MKNK1: variants seen among roughly 807,000 people sequenced by gnomAD.
MKNK1 encodes the protein MAPK interacting serine/threonine kinase 1.
MKNK1 carries 30 observed loss-of-function variants against 49.3 expected under a neutral mutation model. That is an observed-to-expected ratio of 0.61 (90% CI 0.46 to 0.83). The LOEUF is 0.83. Among genes scored for constraint, MKNK1 ranks in the 40% least tolerant of loss-of-function variants. The probability of loss-of-function intolerance (pLI) is 0.00; values close to 1 mark genes in which losing one functional copy is unlikely to be tolerated. For missense variants in MKNK1, 423 were observed against 524.7 expected (o/e 0.81, Z 1.89); for synonymous variants, 176 against 201.7 (o/e 0.87, Z 1.08).
chr1:46,558,254 G>C lies in MKNK1; in HGVS notation c.*321C>G. The C allele has an allele frequency of 3.4e-6, 1 of 298,168 alleles. No homozygotes were observed. The highest frequency in any genetic ancestry group is 8.4e-5 in the South Asian group (1 of 11,950). 18.5% of individuals were successfully genotyped at this position (298,168 alleles called of 1,614,324 possible). On this transcript the variant is annotated 3_prime_UTR_variant, in exon 13 of 13. Transcript: ENST00000371945. Reference sequence around the variant, plus strand: ...CAGCCCCAGCCGCCACAGCTACAGCGGTGAGAGCAGGCTGGATCCCAGATC... The same window carrying C: ...CAGCCCCAGCCGCCACAGCTACAGCCGTGAGAGCAGGCTGGATCCCAGATC...
chr1:46,568,026 G>A (rs1424602033), intron 8 of MKNK1, among the ~76,000 whole-genome samples: 2 of 152,016 alleles, frequency 1.3e-5, no homozygotes, highest in African/African-American at 4.8e-5. Flanking sequence ...GGGGGCTGAG[G>A]TGGGAGAACC....
intron 2 of MKNK1, among the ~76,000 whole-genome samples, chr1:46,591,874 G>A (rs764492526): frequency 9.9e-5 from 15 of 152,104 alleles, no homozygotes; most frequent in Non-Finnish European, 1.9e-4. Flanking sequence ...AAAGAGATCC[G>A]TACTCAGGGT....
chr1:46,561,057 A>G (rs978071537), intron 11 of MKNK1, among the ~76,000 whole-genome samples: 7 of 152,190 alleles, frequency 4.6e-5, no homozygotes, highest in Non-Finnish European at 4.4e-5. Flanking sequence ...CTGTACCCAG[A>G]CTCCCAGACC....
chr1:46,598,450 T>C (rs1674347475), intron 1 of MKNK1, among the ~76,000 whole-genome samples: 1 of 151,994 alleles, frequency 6.6e-6, no homozygotes, highest in Non-Finnish European at 1.5e-5. Context: ...GACAGGGCAA[T>C]GGAAAGAAAG....
chr1:46,600,165 G>A (rs1674555571), intron 1 of MKNK1, among the ~76,000 whole-genome samples: 1 of 152,132 alleles, frequency 6.6e-6, no homozygotes, highest in Non-Finnish European at 1.5e-5. Flanking sequence ...CTCCCACTTT[G>A]TTTACATTCC....
intron 12 of MKNK1, chr1:46,559,861 G>A (rs1053841498): frequency 1.7e-4 from 54 of 311,970 alleles, no homozygotes; most frequent in Middle Eastern, 2.0e-3. Context: ...GTCTAGTACC[G>A]TACGTGCCCC....
intron 2 of MKNK1, among the ~76,000 whole-genome samples, chr1:46,587,502 T>C (rs1672742910): frequency 6.6e-6 from 1 of 152,212 alleles, no homozygotes. Context: ...ACCCGCCCTG[T>C]CTACCTCACA....
intron 3 of MKNK1, chr1:46,582,950 G>A (rs1671962742): frequency 5.0e-6 from 3 of 602,412 alleles, no homozygotes; most frequent in African/African-American, 1.8e-5. Context: ...CCCAGGCAAT[G>A]CCACTGATAG....
chr1:46,579,042 C>CA (rs1260619978), intron 4 of MKNK1, among the ~76,000 whole-genome samples: 1 of 152,204 alleles, frequency 6.6e-6, no homozygotes, highest in Non-Finnish European at 1.5e-5. Context: ...GTGTGAGCCA[C>CA]ATGCCTGGCC....
intron 12 of MKNK1, 39 bp from the exon 13 acceptor site, chr1:46,558,839 A>G: frequency 6.4e-7 from 1 of 1,570,708 alleles, no homozygotes; most frequent in Non-Finnish European, 8.7e-7. Context: ...GAGGGTCAGG[A>G]CTCTAGGGTC....
At chr1:46,585,249 C>CAAAAAAAA (rs58692301) in intron 2 of MKNK1, among the ~76,000 whole-genome samples, 4 of 62,132 alleles carry the variant, frequency 6.4e-5, no homozygotes, top group East Asian at 5.6e-4. Context: ...GATTCCGTCT[C>CAAAAAAAA]AAAAAAAAAA....
chr1:46,572,388 CTTTTTT>C (rs112714620), intron 6 of MKNK1: 17 of 317,638 alleles, frequency 5.4e-5, no homozygotes, highest in African/African-American at 3.5e-4. Context: ...AATTTTTGTA[CTTTTTT>C]TTTTTAGTAG....
chr1:46,602,683 A>G (rs1674896618), intron 1 of MKNK1, among the ~76,000 whole-genome samples: 1 of 152,152 alleles, frequency 6.6e-6, no homozygotes, highest in South Asian at 2.1e-4. Context: ...TGTTAATGTT[A>G]GTGTATTTTA....
At chr1:46,587,034 T>C (rs919148650) in intron 2 of MKNK1, among the ~76,000 whole-genome samples, 3 of 152,214 alleles carry the variant, frequency 2.0e-5, no homozygotes, top group Non-Finnish European at 4.4e-5. Context: ...GGTCTCAAAC[T>C]CCTGACCTCA....
chr1:46,581,309 G>A (rs1035221234), intron 3 of MKNK1, among the ~76,000 whole-genome samples: 1 of 151,874 alleles, frequency 6.6e-6, no homozygotes, highest in Non-Finnish European at 1.5e-5. Flanking sequence ...TGAAGAAATC[G>A]AGACCATCCT....
chr1:46,571,642 C>A, intron 7 of MKNK1: 2 of 352,554 alleles, frequency 5.7e-6, no homozygotes, highest in Admixed American at 4.1e-5. Context: ...TGAAAAGAGA[C>A]AGAGGTGATG....
chr1:46,564,632 A>T (rs1300788096), intron 9 of MKNK1, among the ~76,000 whole-genome samples: 2 of 151,658 alleles, frequency 1.3e-5, no homozygotes, highest in Non-Finnish European at 2.9e-5. Context: ...GCGCGCCACC[A>T]TGCCTGGCTA....
Position 46,558,567 on chromosome 1 carries a change from G to T in MKNK1, c.*8C>A. 6.3e-7 allele frequency: 1 copy of T among 1,597,786 alleles called. No individual in the cohort carries two copies. Among genetic ancestry groups the T allele is most frequent in the Non-Finnish European group, 8.5e-7 (1 of 1,172,082 alleles). ...GGCCTAGGGCCTATAAGGTGTGACT[G>T]GAGCATTTCAGAGTGCTGTGGGCGG... On this transcript the variant is annotated 3_prime_UTR_variant, in exon 13 of 13. Coordinates refer to ENST00000371945, the MANE Select transcript of MKNK1 (RefSeq NM_001135553.4).
rs772620197 is a variant in MKNK1, at chr1:46,580,574, G to C, written c.154C>G (p.Gln52Glu). The change falls in exon 4 of 13, where the codon CAA becomes GAA. Residue 52 changes from glutamine to glutamate, a missense_variant. By Grantham distance (29) the Gln-to-Glu change is conservative (BLOSUM62 2). Coordinates refer to ENST00000371945, the MANE Select transcript of MKNK1 (RefSeq NM_001135553.4). The part of the protein sequence containing the change: ...LLGEGAYAKV[Q>E]GAVSLQNGKE... ...CCATTCTGTAGGCTCACGGCACCTT[G>C]AACTTTGGCATAGGCTCCCTCTCCA... 2.0e-5 allele frequency: 33 copies of C among 1,614,016 alleles called. 1 individual carries two copies. The highest frequency in any genetic ancestry group is 3.3e-4 in the Middle Eastern group (2 of 6,084).
Sources: gnomAD v4.1 joint callset for allele counts (sites outside exome capture counted in the v4.1 genomes callset) on GRCh38, gnomAD v4.1.1 for gene constraint, MANE v1.5 for transcripts, NCBI Gene and HGNC (gene_info 2026-07-23, HGNC 2026-07-21) for gene names.